PDGFRL: variants seen among roughly 807,000 people sequenced by gnomAD.
PDGFRL encodes platelet derived growth factor receptor like.
A neutral mutation model predicts 37.2 loss-of-function variants in PDGFRL; 46 were observed. That is an observed-to-expected ratio of 1.24 (90% CI 0.98 to 1.58). PDGFRL has a LOEUF of 1.58. PDGFRL is among the 40% of genes most tolerant of loss of function. PDGFRL has a pLI of 0.00. For missense variants in PDGFRL, 692 were observed against 467.6 expected, an observed-to-expected ratio of 1.48 and a Z score of -4.43; for synonymous variants, 251 against 184.3, an observed-to-expected ratio of 1.36 and a Z score of -2.93.
chr8:17,597,068 TGGCG>T (rs1804069491), intron 2 of PDGFRL, among the ~76,000 whole-genome samples: 1 of 152,230 alleles, frequency 6.6e-6, no homozygotes, highest in Non-Finnish European at 1.5e-5. Context: ...TCGCCTAGGT[TGGCG>T]TGCAGTGGCA....
At chr8:17,608,431 T>G (rs1804331516) in intron 2 of PDGFRL, among the ~76,000 whole-genome samples, 1 of 152,166 alleles carries the variant, frequency 6.6e-6, no homozygotes, top group African/African-American at 2.4e-5. Context: ...GAACGTGCCC[T>G]CATGCGTTTA....
chr8:17,597,994 C>A (rs547557215), intron 2 of PDGFRL, among the ~76,000 whole-genome samples: 4 of 50,102 alleles, frequency 8.0e-5, no homozygotes, highest in Non-Finnish European at 5.4e-4. Context: ...ACCTAGTTCC[C>A]AGCTTGTGGC....
At chr8:17,612,677 T>C (rs1804446121) in intron 2 of PDGFRL, among the ~76,000 whole-genome samples, 1 of 152,174 alleles carries the variant, frequency 6.6e-6, no homozygotes, top group African/African-American at 2.4e-5. Flanking sequence ...GGCCCAGTTT[T>C]TCTTTTCTTA....
intron 2 of PDGFRL, among the ~76,000 whole-genome samples, chr8:17,616,169 ATTATTTATTTAT>A (rs58323480): frequency 0.033 from 4,811 of 144,168 alleles, 127 homozygotes; most frequent in Non-Finnish European, 0.045. Context: ...TATTATTGTT[ATTATTTATTTAT>A]TTATTTATTT....
chr8:17,601,122 G>A (rs6982650), intron 2 of PDGFRL, among the ~76,000 whole-genome samples: 11 of 151,848 alleles, frequency 7.2e-5, no homozygotes, highest in Admixed American at 2.0e-4. Flanking sequence ...AACCACTTTC[G>A]TTATTCACTC....
intron 5 of PDGFRL, among the ~76,000 whole-genome samples, chr8:17,636,957 T>A (rs1345825314): frequency 1.3e-5 from 2 of 152,216 alleles, no homozygotes; most frequent in African/African-American, 4.8e-5. Flanking sequence ...TTTGTTTACA[T>A]TAATTTTGTA....
In PDGFRL at chr8:17,579,162, A is replaced by C. The variant is rs150903307; in HGVS notation, c.55+1855A>C. On this transcript the variant is annotated intron_variant, in intron 1 of 5. Coordinates refer to ENST00000251630, the MANE Select transcript of PDGFRL (RefSeq NM_001372073.1). The stretch of plus-strand genomic sequence containing the variant: ...CAGTGAGCCGAGATCGCACCACTGC[A>C]CTCCAGCTGGGCGACAAAGTGAGAC... Among the ~76,000 whole-genome samples the C allele has an allele frequency of 1.4e-4, 22 of 152,294 alleles. No individual in the cohort carries two copies. In the East Asian group the frequency reaches 4.2e-3, roughly 29 times the overall value.
chr8:17,592,593 A>G (rs1184280397), intron 2 of PDGFRL, among the ~76,000 whole-genome samples: 2 of 152,048 alleles, frequency 1.3e-5, no homozygotes, highest in Admixed American at 6.6e-5. Context: ...GGCTCCTGTG[A>G]GATTCTCAAA....
At chr8:17,585,356 A>G (rs796367868) in intron 1 of PDGFRL, among the ~76,000 whole-genome samples, 8 of 152,076 alleles carry the variant, frequency 5.3e-5, no homozygotes, top group African/African-American at 1.9e-4. Flanking sequence ...CCCCTATTCA[A>G]GATGGAGTCT....
At chr8:17,597,996 G>A (rs1284735736) in intron 2 of PDGFRL, among the ~76,000 whole-genome samples, 1 of 49,722 alleles carries the variant, frequency 2.0e-5, no homozygotes, top group Non-Finnish European at 1.8e-4. Context: ...CTAGTTCCCA[G>A]CTTGTGGCTT....
intron 5 of PDGFRL, among the ~76,000 whole-genome samples, chr8:17,638,846 CTTTT>C (rs1305568842): frequency 6.9e-6 from 1 of 144,094 alleles, no homozygotes; most frequent in Non-Finnish European, 1.5e-5. Context: ...CCGTCTTTCT[CTTTT>C]TTAACTGCTG....
intron 2 of PDGFRL, among the ~76,000 whole-genome samples, chr8:17,592,563 ACT>A (rs1326313712): frequency 6.6e-6 from 1 of 151,906 alleles, no homozygotes; most frequent in Non-Finnish European, 1.5e-5. Context: ...TCGATCAGAC[ACT>A]CTGCTTTCGC....
At chr8:17,599,976 T>A (rs1206319059) in intron 2 of PDGFRL, among the ~76,000 whole-genome samples, 1 of 152,134 alleles carries the variant, frequency 6.6e-6, no homozygotes, top group Non-Finnish European at 1.5e-5. Context: ...TGAAAAGGAT[T>A]TATGGGTCCT....
intron 2 of PDGFRL, among the ~76,000 whole-genome samples, chr8:17,603,279 G>T (rs116187758): frequency 6.6e-6 from 1 of 152,124 alleles, no homozygotes; most frequent in Non-Finnish European, 1.5e-5. Context: ...GAGCCACCAC[G>T]CCCAGCCCAA....
intron 1 of PDGFRL, among the ~76,000 whole-genome samples, chr8:17,582,670 C>A (rs1332854396): frequency 6.6e-6 from 1 of 151,492 alleles, no homozygotes; most frequent in African/African-American, 2.4e-5. Context: ...AAAAGGGAAG[C>A]AGAGAGTAAA....
At chr8:17,608,372 G>A (rs1458374236) in intron 2 of PDGFRL, among the ~76,000 whole-genome samples, 1 of 152,210 alleles carries the variant, frequency 6.6e-6, no homozygotes, top group Non-Finnish European at 1.5e-5. Flanking sequence ...AAGGTAGGGG[G>A]TTGGGGGCCC....
chr8:17,619,268 A>T (rs923380943), intron 2 of PDGFRL, among the ~76,000 whole-genome samples: 3 of 152,212 alleles, frequency 2.0e-5, no homozygotes, highest in Non-Finnish European at 4.4e-5. Context: ...GCCTCAGGGG[A>T]ACCTCCAGTG....
chr8:17,628,599 G>A lies in PDGFRL; in HGVS notation c.618G>A (p.Thr206=), dbSNP rs183074113. ...TGACCGTGCTGTCGGCCAAAGTCAC[G>A]CTCCACAGGGAATTCCCAGCCAAGG... ...CRVTVLSAKV[T]LHREFPAKEI... is the part of the protein sequence containing the mutation. Residue 206 remains threonine (T), a synonymous_variant, in exon 4 of 6, where the codon ACG becomes ACA. Coordinates refer to ENST00000251630, the MANE Select transcript of PDGFRL (RefSeq NM_001372073.1). The A allele has an allele frequency of 6.9e-4, 1,121 of 1,614,122 alleles. No individual in the cohort carries two copies. The highest frequency in any genetic ancestry group is 1.6e-3 in the Admixed American group (94 of 60,020).
intron 2 of PDGFRL, among the ~76,000 whole-genome samples, chr8:17,609,819 TAGTAA>T (rs1804369156): frequency 1.3e-5 from 2 of 152,100 alleles, no homozygotes; most frequent in African/African-American, 4.8e-5. Context: ...GCACAGCTTT[TAGTAA>T]AGTAAACTCA....
Sources: gnomAD v4.1 joint callset for allele counts (sites outside exome capture counted in the v4.1 genomes callset) on GRCh38, gnomAD v4.1.1 for gene constraint, MANE v1.5 for transcripts, NCBI Gene and HGNC (gene_info 2026-07-23, HGNC 2026-07-21) for gene names.